The following RGL1 variants were observed in gnomAD, a reference collection of about 807,000 sequenced individuals.
RGL1 encodes the protein ral guanine nucleotide dissociation stimulator-like 1.
RGL1 carries 24 observed loss-of-function variants against 95.2 expected under a neutral mutation model. The ratio of observed to expected loss-of-function variants is 0.25; its 90% CI spans 0.18 to 0.35. The LOEUF (loss-of-function observed/expected upper bound fraction) is 0.35, where lower values mean the gene tolerates loss of function less well. Ranked by LOEUF, RGL1 falls within the 10% of genes least tolerant of loss-of-function variation. RGL1 has a pLI of 1.00. For missense variants in RGL1, 715 were observed against 936.3 expected (o/e 0.76, Z 3.08); for synonymous variants, 329 against 344.9 (o/e 0.95, Z 0.51).
intron 1 of RGL1, among the ~76,000 whole-genome samples, chr1:183,710,716 G>A (rs1313663343): frequency 6.6e-6 from 1 of 152,160 alleles, no homozygotes; most frequent in Non-Finnish European, 1.5e-5. Flanking sequence ...CACTTTTGAA[G>A]TATCAGATCT....
chr1:183,699,931 C>A (rs1269684313), intron 1 of RGL1, among the ~76,000 whole-genome samples: 2 of 152,150 alleles, frequency 1.3e-5, no homozygotes, highest in African/African-American at 4.8e-5. Flanking sequence ...GTGTCTACCT[C>A]ACAATTTTCT....
chr1:183,649,307 T>A (rs1272430611), intron 1 of RGL1, among the ~76,000 whole-genome samples: 1 of 152,248 alleles, frequency 6.6e-6, no homozygotes, highest in Non-Finnish European at 1.5e-5. Context: ...CTCTTAGTAG[T>A]AAAAGTACAA....
At chr1:183,912,631 T>A (rs142504860) in intron 15 of RGL1, among the ~76,000 whole-genome samples, 25 of 152,364 alleles carry the variant, frequency 1.6e-4, no homozygotes, top group Non-Finnish European at 2.9e-4. Context: ...ATCACAATAA[T>A]GTTGCATTGC....
chr1:183,771,139 T>C (rs1259490267), intron 2 of RGL1, among the ~76,000 whole-genome samples: 1 of 152,212 alleles, frequency 6.6e-6, no homozygotes, highest in Non-Finnish European at 1.5e-5. Flanking sequence ...TCTAGAGTGC[T>C]TGGTCCTGTA....
intron 1 of RGL1, among the ~76,000 whole-genome samples, chr1:183,670,075 C>G (rs997326778): frequency 6.6e-6 from 1 of 152,150 alleles, no homozygotes; most frequent in African/African-American, 2.4e-5. Context: ...ATGAGTAGGT[C>G]TCAGTCTTTT....
intron 10 of RGL1, among the ~76,000 whole-genome samples, chr1:183,899,209 T>C (rs77647618): frequency 1.3e-5 from 2 of 152,342 alleles, no homozygotes; most frequent in Non-Finnish European, 2.9e-5. Context: ...CATTTGTCAA[T>C]ACTAAGAAAC....
intron 3 of RGL1, among the ~76,000 whole-genome samples, chr1:183,861,527 T>C (rs964401796): frequency 2.6e-5 from 4 of 152,250 alleles, no homozygotes; most frequent in Admixed American, 6.5e-5. Context: ...TTCTTTCCCT[T>C]TTCTATTACT....
chr1:183,852,492 T>G (rs1664881675), intron 3 of RGL1, among the ~76,000 whole-genome samples: 1 of 152,130 alleles, frequency 6.6e-6, no homozygotes, highest in South Asian at 2.1e-4. Context: ...AGATTTTCTT[T>G]TATCTAACTT....
chr1:183,834,460 A>C (rs1395518212), intron 2 of RGL1, among the ~76,000 whole-genome samples: 2 of 150,766 alleles, frequency 1.3e-5, no homozygotes, highest in African/African-American at 4.9e-5. Context: ...CAGTTCTGCA[A>C]CTCCCTCTGT....
At chr1:183,839,378 A>G (rs1663882589) in intron 2 of RGL1, among the ~76,000 whole-genome samples, 1 of 152,168 alleles carries the variant, frequency 6.6e-6, no homozygotes, top group Non-Finnish European at 1.5e-5. Context: ...CATCCACACT[A>G]GAAATCAGGT....
At chr1:183,829,897 C>T (rs970721478) in intron 2 of RGL1, among the ~76,000 whole-genome samples, 1 of 152,100 alleles carries the variant, frequency 6.6e-6, no homozygotes, top group Non-Finnish European at 1.5e-5. Flanking sequence ...AAACCTGATC[C>T]TCTCATGTTT....
intron 2 of RGL1, among the ~76,000 whole-genome samples, chr1:183,788,348 A>G (rs555849748): frequency 3.5e-4 from 53 of 152,302 alleles, no homozygotes; most frequent in African/African-American, 1.2e-3. Flanking sequence ...GGCAGGGAAA[A>G]ATGGGACAAA....
chr1:183,659,885 A>G (rs997908538), intron 1 of RGL1, among the ~76,000 whole-genome samples: 17 of 150,080 alleles, frequency 1.1e-4, no homozygotes, highest in African/African-American at 4.3e-4. Flanking sequence ...AAGCCGGAAG[A>G]GAGTGGGGGC....
intron 1 of RGL1, among the ~76,000 whole-genome samples, chr1:183,685,056 A>C (rs1653485970): frequency 6.6e-6 from 1 of 152,166 alleles, no homozygotes; most frequent in East Asian, 1.9e-4. Context: ...ATTTACATTT[A>C]TTTTTATATG....
At position 183,647,787 on chromosome 1, in the gene RGL1, T is replaced by C. The variant is rs768753494; in HGVS notation, c.-33+11286T>C. Reference sequence around the variant, plus strand: ...CCTTCCAGTGGGAAGCCTTCCAAGGTCCTTGGTTTCCTGGAATGACATTTG... The same window carrying C: ...CCTTCCAGTGGGAAGCCTTCCAAGGCCCTTGGTTTCCTGGAATGACATTTG... On this transcript the variant is annotated intron_variant, in intron 1 of 18. Transcript: ENST00000304685. 3 of 1,614,186 alleles carry C rather than the reference T, an allele frequency of 1.9e-6. No homozygotes were observed. The Admixed American group carries it at 5.0e-5, about 27-fold the overall frequency.
rs553487629 is a variant in RGL1, at chr1:183,683,121, C to G, written c.-33+46620C>G. Among the ~76,000 whole-genome samples, 86 of 152,156 alleles carry G rather than the reference C, an allele frequency of 5.7e-4. 1 individual carries two copies. The highest frequency in any genetic ancestry group is 4.3e-4 in the Non-Finnish European group (29 of 68,000). On this transcript the variant is annotated intron_variant, in intron 1 of 18. Coordinates refer to the RGL1 transcript ENST00000304685. ...GCACACTGATGGGTCTTGACTCTAT[C>G]CAATTTGCCAGTCTGTGTCTTTTAA...
chr1:183,772,087 C>T (rs1428154511), intron 2 of RGL1, among the ~76,000 whole-genome samples: 1 of 152,250 alleles, frequency 6.6e-6, no homozygotes, highest in Non-Finnish European at 1.5e-5. Flanking sequence ...TCCCTTCTGG[C>T]TCCCCCATCG....
intron 14 of RGL1, among the ~76,000 whole-genome samples, chr1:183,911,625 T>C (rs1216860052): frequency 2.0e-5 from 3 of 152,248 alleles, no homozygotes; most frequent in African/African-American, 7.2e-5. Flanking sequence ...ATATTTCTTA[T>C]CTAGCTGTTT....
chr1:183,838,163 T>C (rs1663795519), intron 2 of RGL1, among the ~76,000 whole-genome samples: 1 of 152,208 alleles, frequency 6.6e-6, no homozygotes, highest in Admixed American at 6.5e-5. Flanking sequence ...CCACTTAATA[T>C]TTAAATTTGC....
Sources: allele counts gnomAD v4.1 joint callset (sites outside exome capture counted in the v4.1 genomes callset), GRCh38; gene constraint gnomAD v4.1.1; transcripts MANE v1.5; gene names NCBI Gene and HGNC (gene_info 2026-07-23, HGNC 2026-07-21).